The following SNTB1 variants were observed in gnomAD, a reference collection of about 807,000 sequenced individuals.
SNTB1 encodes beta-1-syntrophin.
In SNTB1, 36 loss-of-function variants were observed where a neutral mutation model predicts 48.9. The ratio of observed to expected loss-of-function variants is 0.74; its 90% confidence interval spans 0.56 to 0.97. SNTB1 has a LOEUF of 0.97. SNTB1 is among the 50% of genes least tolerant of loss of function. The pLI, the probability that SNTB1 is intolerant of heterozygous loss-of-function variation, is 0.00. For synonymous variants in SNTB1, 299 were observed against 294.6 expected (o/e 1.01, Z -0.15); for missense variants, 786 against 703.4 (o/e 1.12, Z -1.33).
chr8:120,685,552 G>A (rs757283804), intron 2 of SNTB1, among the ~76,000 whole-genome samples: 1 of 152,176 alleles, frequency 6.6e-6, no homozygotes, highest in Admixed American at 6.5e-5. Flanking sequence ...AAATTGTTCT[G>A]TTCCCAAGGC....
chr8:120,636,788 T>G (rs1682682460), intron 2 of SNTB1: 1 of 156,622 alleles, frequency 6.4e-6, no homozygotes, highest in African/African-American at 2.4e-5. Context: ...AAATGGTATT[T>G]CTAGTTCTAG....
intron 2 of SNTB1, among the ~76,000 whole-genome samples, chr8:120,666,041 G>C (rs1264724538): frequency 1.3e-5 from 2 of 152,038 alleles, no homozygotes; most frequent in Non-Finnish European, 1.5e-5. Context: ...TGGTCATTCT[G>C]AGTCCCTTGT....
intron 1 of SNTB1, among the ~76,000 whole-genome samples, chr8:120,797,082 T>G (rs1479675829): frequency 6.6e-6 from 1 of 152,064 alleles, no homozygotes; most frequent in Non-Finnish European, 1.5e-5. Context: ...ATGGCCATTT[T>G]CAAGGAATAT....
At position 120,672,248 on chromosome 8, in the gene SNTB1, T is replaced by C. The variant is rs10102809; in HGVS notation, c.788+21444A>G. ...ATGTTGTCAACTTATGATGGGCTTA[T>C]CAGGATGTAACCCCATGTAAGTTGA... On this transcript the variant is annotated intron_variant, in intron 2 of 6. Transcript: ENST00000517992. Among the ~76,000 whole-genome samples, 994 of 152,328 alleles carry C rather than the reference T, an allele frequency of 6.5e-3. 10 individuals carry two copies. The highest frequency in any genetic ancestry group is 0.022 in the African/African-American group (932 of 41,574).
intron 3 of SNTB1, among the ~76,000 whole-genome samples, chr8:120,613,854 T>C (rs6986444): frequency 0.81 from 122,796 of 151,684 alleles, 50,731 homozygotes; most frequent in Middle Eastern, 0.9. Flanking sequence ...TTGTGGACTC[T>C]TCGTTTTCTT....
intron 1 of SNTB1, among the ~76,000 whole-genome samples, chr8:120,747,316 GGT>G (rs1819141263): frequency 6.6e-6 from 1 of 151,984 alleles, no homozygotes; most frequent in African/African-American, 2.4e-5. Flanking sequence ...TTTAAGACAG[GGT>G]CTTGGTCTGT....
At chr8:120,784,946 G>A (rs1407467878) in intron 1 of SNTB1, among the ~76,000 whole-genome samples, 1 of 152,174 alleles carries the variant, frequency 6.6e-6, no homozygotes, top group East Asian at 1.9e-4. Context: ...CCAGGACAAG[G>A]GGGAAGGCCT....
At chr8:120,667,592 T>G (rs1395704211) in intron 2 of SNTB1, among the ~76,000 whole-genome samples, 1 of 152,198 alleles carries the variant, frequency 6.6e-6, no homozygotes, top group Admixed American at 6.5e-5. Flanking sequence ...TGTTTGGCCT[T>G]AAGCAATCCT....
chr8:120,700,582 G>A (rs1818293549), intron 1 of SNTB1, among the ~76,000 whole-genome samples: 1 of 152,154 alleles, frequency 6.6e-6, no homozygotes, highest in Admixed American at 6.5e-5. Flanking sequence ...GTAAGAAAAG[G>A]GGCGGAGAGG....
At chr8:120,674,846 G>A (rs1011928580) in intron 2 of SNTB1, among the ~76,000 whole-genome samples, 4 of 152,074 alleles carry the variant, frequency 2.6e-5, no homozygotes, top group East Asian at 1.9e-4. Flanking sequence ...AAAAATTAGC[G>A]GCCTTGTCTA....
chr8:120,676,446 T>G (rs1235377230), intron 2 of SNTB1, among the ~76,000 whole-genome samples: 1 of 152,198 alleles, frequency 6.6e-6, no homozygotes, highest in African/African-American at 2.4e-5. Context: ...GAGACAGGAT[T>G]CAAACCTAGG....
At chr8:120,621,425 C>G (rs890575867) in intron 3 of SNTB1, among the ~76,000 whole-genome samples, 2 of 152,056 alleles carry the variant, frequency 1.3e-5, no homozygotes, top group African/African-American at 4.8e-5. Context: ...TGTTTGTATA[C>G]AGAGCAGAGA....
intron 4 of SNTB1, among the ~76,000 whole-genome samples, chr8:120,562,431 G>T (rs369140430): frequency 6.6e-6 from 1 of 152,122 alleles, no homozygotes; most frequent in African/African-American, 2.4e-5. Flanking sequence ...CTCCTGAGGG[G>T]CTCCTGGTTA....
chr8:120,611,096 C>A (rs1304570898), intron 3 of SNTB1, among the ~76,000 whole-genome samples: 1 of 152,160 alleles, frequency 6.6e-6, no homozygotes, highest in Admixed American at 6.5e-5. Flanking sequence ...CAAATAAGAG[C>A]CCTGAGCAGG....
At chr8:120,626,674 C>T (rs1464770078) in intron 3 of SNTB1, among the ~76,000 whole-genome samples, 1 of 151,818 alleles carries the variant, frequency 6.6e-6, no homozygotes, top group Non-Finnish European at 1.5e-5. Flanking sequence ...TTTGGATCAG[C>T]TAGCAACATT....
chr8:120,537,034 G>T lies in SNTB1; in HGVS notation c.*1843C>A, dbSNP rs1405224721. The T allele has an allele frequency of 1.3e-5, 2 of 151,684 alleles. No individual in the cohort carries two copies. The highest frequency in any genetic ancestry group is 4.8e-5 in the African/African-American group (2 of 41,320). The allele number at this position is 151,684 out of a possible 1,614,324, so 9.4% of individuals were successfully genotyped here. ...AAAGAGTGCAATATAATTTACAAAT[G>T]CATCAAAGCTTTTCTATGGTATTCA... On this transcript the variant is annotated 3_prime_UTR_variant, in exon 7 of 7. Transcript: ENST00000517992.
At chr8:120,672,548 G>C (rs1378835105) in intron 2 of SNTB1, among the ~76,000 whole-genome samples, 3 of 152,182 alleles carry the variant, frequency 2.0e-5, no homozygotes, top group African/African-American at 4.8e-5. Context: ...ATGGCACAGA[G>C]CTCCTGAAAG....
chr8:120,574,974 T>C, intron 4 of SNTB1, 112 bp downstream of exon 4: 1 of 1,333,594 alleles, frequency 7.5e-7, no homozygotes, highest in South Asian at 1.3e-5. Context: ...CTTAAGGAGC[T>C]CTCAGCCCCT....
intron 1 of SNTB1, among the ~76,000 whole-genome samples, chr8:120,715,865 A>T (rs1203851949): frequency 6.6e-6 from 1 of 152,230 alleles, no homozygotes; most frequent in East Asian, 1.9e-4. Flanking sequence ...GTTAGTAAAA[A>T]AGCCAAACCT....
Sources: gnomAD v4.1 joint callset for allele counts (sites outside exome capture counted in the v4.1 genomes callset) on GRCh38, gnomAD v4.1.1 for gene constraint, MANE v1.5 for transcripts, NCBI Gene and HGNC (gene_info 2026-07-23, HGNC 2026-07-21) for gene names.